Variants in DENND1A observed in about 807,000 individuals in gnomAD.
DENND1A encodes the protein DENN domain containing 1A, also known as DENN domain-containing protein 1A.
Under a neutral mutation model 113.7 loss-of-function variants are expected in DENND1A, and 51 were observed. That is an observed-to-expected ratio of 0.45 (90% CI 0.36 to 0.57). DENND1A has a LOEUF of 0.57. DENND1A is among the 20% of genes least tolerant of loss of function. DENND1A has a pLI of 0.00. For synonymous variants in DENND1A, 565 were observed against 570.8 expected (o/e 0.99, Z 0.14); for missense variants, 1,258 against 1,395.9 (o/e 0.90, Z 1.57).
At chr9:123,516,884 C>CAAAAAAAAAAAAAAAAAAAAA (rs546001517) in intron 13 of DENND1A, among the ~76,000 whole-genome samples, 20 of 93,388 alleles carry the variant, frequency 2.1e-4, no homozygotes, top group Middle Eastern at 4.9e-3. Flanking sequence ...GACTCTGTCT[C>CAAAAAAAAAAAAAAAAAAAAA]AAAAAAAAAA....
At chr9:123,739,137 T>C (rs1184710026) in intron 5 of DENND1A, among the ~76,000 whole-genome samples, 1 of 152,192 alleles carries the variant, frequency 6.6e-6, no homozygotes, top group Non-Finnish European at 1.5e-5. Flanking sequence ...TCAACCACTC[T>C]GATTTCAGGG....
intron 21 of DENND1A, among the ~76,000 whole-genome samples, chr9:123,390,617 G>A (rs1479603788): frequency 6.6e-6 from 1 of 152,200 alleles, no homozygotes; most frequent in South Asian, 2.1e-4. Flanking sequence ...CAACCAAGAG[G>A]CGCTTTGAGC....
At chr9:123,830,873 G>GAAAAAAAAAA (rs71390447) in intron 2 of DENND1A, among the ~76,000 whole-genome samples, 10 of 39,310 alleles carry the variant, frequency 2.5e-4, no homozygotes, top group East Asian at 1.8e-3. Context: ...TCTCAAAAAT[G>GAAAAAAAAAA]AAAAAAAAAA....
intron 11 of DENND1A, among the ~76,000 whole-genome samples, chr9:123,595,058 T>C (rs2059623038): frequency 6.6e-6 from 1 of 152,246 alleles, no homozygotes; most frequent in Non-Finnish European, 1.5e-5. Context: ...GGCTTTTCTT[T>C]GGAGCCAAGA....
intron 3 of DENND1A, among the ~76,000 whole-genome samples, chr9:123,773,747 C>T (rs141337715): frequency 1.1e-4 from 17 of 152,266 alleles, no homozygotes; most frequent in Admixed American, 7.9e-4. Flanking sequence ...CACAGACATA[C>T]ACACCCCATA....
chr9:123,734,675 C>T (rs930931931), intron 5 of DENND1A, among the ~76,000 whole-genome samples: 3 of 151,992 alleles, frequency 2.0e-5, no homozygotes, highest in East Asian at 3.8e-4. Context: ...TTCTGTAAGA[C>T]GAGGATAATT....
At chr9:123,802,286 G>C (rs1201087393) in intron 2 of DENND1A, among the ~76,000 whole-genome samples, 1 of 152,042 alleles carries the variant, frequency 6.6e-6, no homozygotes, top group Non-Finnish European at 1.5e-5. Context: ...GGGATAGATG[G>C]CCTCTGTTCA....
At chr9:123,509,512 G>A (rs2053262187) in intron 13 of DENND1A, among the ~76,000 whole-genome samples, 1 of 152,186 alleles carries the variant, frequency 6.6e-6, no homozygotes, top group South Asian at 2.1e-4. Flanking sequence ...CTTCCTTTAT[G>A]GCCTCGTTTT....
rs566946830 is a variant in DENND1A at position 123,880,547 on chromosome 9, A to G, written c.18-1526T>C. On this transcript the variant is annotated intron_variant, in intron 1 of 23. Transcript: ENST00000394215. ...GGTAAGAAACCTTCTGAGTTGCCTAATCATCTCTAAGGATTTATTTACATC... is the reference window on the plus strand; with the variant it reads ...GGTAAGAAACCTTCTGAGTTGCCTAGTCATCTCTAAGGATTTATTTACATC... Among the ~76,000 whole-genome samples, 9 of 152,324 alleles carry G rather than the reference A, an allele frequency of 5.9e-5. No individual in the cohort carries two copies. In the East Asian group the frequency reaches 1.5e-3, roughly 26 times the overall value.
At chr9:123,863,734 T>C (rs1467530540) in intron 2 of DENND1A, among the ~76,000 whole-genome samples, 1 of 152,202 alleles carries the variant, frequency 6.6e-6, no homozygotes, top group Non-Finnish European at 1.5e-5. Flanking sequence ...GCACATTGCA[T>C]AGCAAAGCTA....
At chr9:123,417,749 G>A (rs2044856159) in intron 19 of DENND1A, among the ~76,000 whole-genome samples, 1 of 152,170 alleles carries the variant, frequency 6.6e-6, no homozygotes, top group Non-Finnish European at 1.5e-5. Context: ...CTTTCCAAAG[G>A]AGGCACCTGA....
At chr9:123,610,640 T>C (rs2060376475) in intron 10 of DENND1A, among the ~76,000 whole-genome samples, 1 of 152,208 alleles carries the variant, frequency 6.6e-6, no homozygotes, top group South Asian at 2.1e-4. Flanking sequence ...GTCTATGAAA[T>C]GTGCAGATGG....
At chr9:123,906,337 A>G (rs1852832799) in intron 1 of DENND1A, among the ~76,000 whole-genome samples, 1 of 132,446 alleles carries the variant, frequency 7.6e-6, no homozygotes, top group Admixed American at 6.9e-5. Flanking sequence ...AGATAGAAGA[A>G]GGCAAGAAAT....
At chr9:123,546,948 T>C (rs963586809) in intron 13 of DENND1A, among the ~76,000 whole-genome samples, 1 of 152,254 alleles carries the variant, frequency 6.6e-6, no homozygotes, top group Non-Finnish European at 1.5e-5. Context: ...AGATTGATCA[T>C]AGTGTTTAAG....
intron 2 of DENND1A, among the ~76,000 whole-genome samples, chr9:123,847,410 T>C (rs1842770857): frequency 6.6e-6 from 1 of 152,066 alleles, no homozygotes; most frequent in Non-Finnish European, 1.5e-5. Flanking sequence ...GCTAGACATA[T>C]ATCATTGCTA....
At chr9:123,561,277 A>G (rs2057738141) in intron 12 of DENND1A, among the ~76,000 whole-genome samples, 1 of 151,480 alleles carries the variant, frequency 6.6e-6, no homozygotes, top group African/African-American at 2.4e-5. Context: ...ACCATTTTAC[A>G]CAAAGAAGGA....
intron 4 of DENND1A, among the ~76,000 whole-genome samples, chr9:123,760,247 G>A (rs948847853): frequency 2.0e-5 from 3 of 152,148 alleles, no homozygotes; most frequent in Admixed American, 2.0e-4. Flanking sequence ...TTCTTATTGA[G>A]TCTTTGGATA....
intron 2 of DENND1A, among the ~76,000 whole-genome samples, chr9:123,841,916 C>T (rs536271461): frequency 2.0e-5 from 3 of 152,124 alleles, no homozygotes; most frequent in East Asian, 3.9e-4. Context: ...TGGAAGGGGA[C>T]CAGAGCTTCA....
At chr9:123,385,446 A>G (rs926383024) in intron 22 of DENND1A, among the ~76,000 whole-genome samples, 2 of 152,206 alleles carry the variant, frequency 1.3e-5, no homozygotes, top group Non-Finnish European at 2.9e-5. Flanking sequence ...TACAGGTGTG[A>G]GCCATTGCGC....
Sources: gnomAD v4.1 joint callset for allele counts (sites outside exome capture counted in the v4.1 genomes callset) on GRCh38, gnomAD v4.1.1 for gene constraint, MANE v1.5 for transcripts, NCBI Gene and HGNC (gene_info 2026-07-23, HGNC 2026-07-21) for gene names.